Variants in GOLGA2 observed in about 807,000 individuals in gnomAD.
GOLGA2 encodes golgin subfamily A member 2.
GOLGA2 carries 49 observed loss-of-function variants against 148.8 expected under a neutral mutation model. That is an observed-to-expected ratio of 0.33 (90% CI 0.26 to 0.42). The LOEUF is 0.42. Ranked by LOEUF, GOLGA2 falls within the 10% of genes least tolerant of loss-of-function variation. The pLI is 1.00. For synonymous variants in GOLGA2, 501 were observed against 511.8 expected, an observed-to-expected ratio of 0.98 and a Z score of 0.28; for missense variants, 1,178 against 1,304.6, an observed-to-expected ratio of 0.90 and a Z score of 1.49.
intron 12 of GOLGA2, among the ~76,000 whole-genome samples, chr9:128,265,100 A>G (rs1029052181): frequency 6.6e-6 from 1 of 152,208 alleles, no homozygotes; most frequent in African/African-American, 2.4e-5. Context: ...CAGATAGTCC[A>G]AAACTCCGAA....
At chr9:128,259,429 C>T (rs1830118023) in intron 19 of GOLGA2, 38 bp from the exon 20 acceptor site, 1 of 1,343,380 alleles carries the variant, frequency 7.4e-7, no homozygotes, top group Non-Finnish European at 1.0e-6. Context: ...AGGTGGTGGC[C>T]TGCTTCCAGA....
In GOLGA2 at chr9:128,261,022, G is replaced by T; in HGVS notation, c.1420+150C>A. 1.4e-6 allele frequency: 1 copy of T among 709,342 alleles called. No homozygotes were observed. The highest frequency in any genetic ancestry group is 1.7e-5 in the South Asian group (1 of 60,176). The allele number at this position is 709,342 out of a possible 1,614,324, so 43.9% of individuals were successfully genotyped here. A position where few individuals can be genotyped will look rare whatever the true frequency, so the allele number is the denominator to read the frequency against. ...TGCTGATGGGGCACTGAGGCTCATGGAGATGACGAGACTTGCCATCTCCTG... is the reference window on the plus strand; with the variant it reads ...TGCTGATGGGGCACTGAGGCTCATGTAGATGACGAGACTTGCCATCTCCTG... On this transcript the variant is annotated intron_variant, in intron 17 of 26. Coordinates refer to ENST00000611957, the MANE Select transcript of GOLGA2 (RefSeq NM_001366244.2). This position sits in a 1 kb window ranked among gnomAD's most constrained non-coding sequence, Gnocchi z 5.7.
intron 3 of GOLGA2, among the ~76,000 whole-genome samples, chr9:128,270,525 G>A (rs1234402520): frequency 2.1e-4 from 32 of 152,082 alleles, no homozygotes; most frequent in Admixed American, 2.1e-3. Flanking sequence ...TTGTAGCCAA[G>A]ATGGAGTTTT....
At chr9:128,275,614 A>C in intron 1 of GOLGA2, 1 of 839,670 alleles carries the variant, frequency 1.2e-6, no homozygotes. Context: ...CAAAGAGCCC[A>C]GGGAGGTCGG....
At chr9:128,263,289 T>G (rs577790570) in intron 12 of GOLGA2, among the ~76,000 whole-genome samples, 197 bp from the exon 13 acceptor site, 3 of 152,320 alleles carry the variant, frequency 2.0e-5, no homozygotes, top group Admixed American at 2.0e-4. Context: ...AGTCTCCCTC[T>G]GTCACCCAGG....
chr9:128,262,648 A>G lies in GOLGA2; in HGVS notation c.1049T>C (p.Val350Ala). 6.2e-7 allele frequency: 1 copy of G among 1,613,716 alleles called. No individual in the cohort carries two copies. Among genetic ancestry groups the G allele is most frequent in the East Asian group, 2.2e-5 (1 of 44,886 alleles). ...EKSELEEKLR[V>A]LVTEKAGMQL... is the part of the protein sequence containing the mutation. ...CATGCCAGCCTTCTCAGTCACTAGG[A>G]CCCGAAGCTTCTCTTCCAATTCTGA... The change falls in exon 14 of 27, where the codon GTC becomes GCC. Residue 350 changes from valine to alanine, a missense_variant. Coordinates refer to ENST00000611957, the MANE Select transcript of GOLGA2 (RefSeq NM_001366244.2).
rs752788974 is a variant in GOLGA2, at chr9:128,257,872, C to T, written c.2529G>A (p.Met843Ile). 1 of 1,613,846 alleles carries T rather than the reference C, an allele frequency of 6.2e-7. No homozygotes were observed. The highest frequency in any genetic ancestry group is 1.1e-5 in the South Asian group (1 of 91,074). Residue 843 changes from methionine (M) to isoleucine (I), a missense_variant, in exon 24 of 27, where the codon ATG (methionine) becomes ATA (isoleucine). Around this residue, in one of 5 missense-constraint regions of GOLGA2, gnomAD observed 529 missense variants for 521.8 expected, o/e 1.01. Coordinates refer to ENST00000611957, the MANE Select transcript of GOLGA2 (RefSeq NM_001366244.2). The surrounding 1 kb of genome is among the most constrained non-coding windows in gnomAD (Gnocchi z 8.0). The part of the protein sequence containing the change: ...EKLQSRFMEL[M>I]QEKADLKERV... ...TCTCCTTCAGGTCTGCCTTCTCCTG[C>T]ATGAGCTCCATAAAGCGGCTCTGGA...
chr9:128,267,807 C>T, intron 6 of GOLGA2, 127 bp downstream of exon 6: 1 of 791,388 alleles, frequency 1.3e-6, no homozygotes, highest in Non-Finnish European at 2.1e-6. Flanking sequence ...GAAAAGGCGA[C>T]TTCCTTAACA....
Position 128,262,556 on chromosome 9 carries a change from CT to C in GOLGA2, c.1134+6del. The stretch of plus-strand genomic sequence containing the variant: ...CTCCCACCACCCATGGGGCTGCAGC[CT>C]CTTGCCTGTTGAAGCAGGAGTTCCG... On this transcript the variant is annotated splice_donor_region_variant and intron_variant, in intron 14 of 26. Coordinates refer to ENST00000611957, the MANE Select transcript of GOLGA2 (RefSeq NM_001366244.2). 4 of 1,613,466 alleles carry C rather than the reference CT, an allele frequency of 2.5e-6. No individual in the cohort carries two copies. Among genetic ancestry groups the C allele is most frequent in the African/African-American group, 1.3e-5 (1 of 75,046 alleles).
At chr9:128,274,323 C>T (rs1187275009) in intron 1 of GOLGA2, among the ~76,000 whole-genome samples, 1 of 152,094 alleles carries the variant, frequency 6.6e-6, no homozygotes, top group East Asian at 1.9e-4. Flanking sequence ...GCTGGTTTCA[C>T]GCACTAATTA....
At position 128,266,925 on chromosome 9, in the gene GOLGA2, C is replaced by T. The variant is rs1340900630; in HGVS notation, c.642+269G>A. 1.8e-5 allele frequency: 10 copies of T among 559,924 alleles called. No homozygotes were observed. The highest frequency in any genetic ancestry group is 2.9e-5 in the Non-Finnish European group (9 of 311,006). The allele number at this position is 559,924 out of a possible 1,614,324, so 34.7% of individuals were successfully genotyped here. ...CTCCTGACAACCAGTCAGGCTAGCG[C>T]TTCCCCAAGAGGCAACAACCCCAGG... On this transcript the variant is annotated intron_variant, in intron 8 of 26. Transcript: ENST00000611957. The surrounding 1 kb of genome is among the most constrained non-coding windows in gnomAD (Gnocchi z 4.2).
chr9:128,258,898 T>C lies in GOLGA2; in HGVS notation c.2173+109A>G, dbSNP rs12003970. On this transcript the variant is annotated intron_variant, in intron 21 of 26. Transcript: ENST00000611957. The surrounding 1 kb of genome is among the most constrained non-coding windows in gnomAD (Gnocchi z 6.6). ...ACTTAGTGTGGACACCCAGTTGGCA[T>C]AATGACCAGCTGTTCTAAAGGTCTC... is the stretch of plus-strand genomic sequence containing the variant. The C allele has an allele frequency of 9.4e-3, 7,677 of 815,026 alleles. 384 individuals are homozygous for C. In the African/African-American group the frequency reaches 0.11, roughly 12 times the overall value. 50.5% of individuals were successfully genotyped at this position (815,026 alleles called of 1,614,324 possible). A position where few individuals can be genotyped will look rare whatever the true frequency, so the allele number is the denominator to read the frequency against.
In GOLGA2 at chr9:128,263,022, C is replaced by T; in HGVS notation, c.992+12G>A. 6.4e-7 allele frequency: 1 copy of T among 1,574,404 alleles called. No individual in the cohort carries two copies. Among genetic ancestry groups the T allele is most frequent in the Non-Finnish European group, 8.7e-7 (1 of 1,144,112 alleles). The stretch of plus-strand genomic sequence containing the variant: ...GCCCCCAGACCTCCCATCCCACCAT[C>T]CCCCATCCTACGTGTTCTTGTATAA... On this transcript the variant is annotated intron_variant, in intron 13 of 26. Transcript: ENST00000611957.
rs1322514781 is a variant in GOLGA2 at position 128,257,514 on chromosome 9, C to T, written c.2730G>A (p.Leu910=). ...QDKEEMKVKL[L]ELQELVLRLV... ...GCCGTAAGACCAGCTCCTGCAGCTC[C>T]AGCAGCTTCACCTGGAGGGAGGGGT... Residue 910 remains leucine, a synonymous_variant, in exon 26 of 27, where the codon CTG becomes CTA. Coordinates refer to ENST00000611957, the MANE Select transcript of GOLGA2 (RefSeq NM_001366244.2). This position sits in a 1 kb window ranked among gnomAD's most constrained non-coding sequence, Gnocchi z 8.0. 2 of 1,613,946 alleles carry T rather than the reference C, an allele frequency of 1.2e-6. No individual in the cohort carries two copies. The highest frequency in any genetic ancestry group is 1.7e-6 in the Non-Finnish European group (2 of 1,180,032).
chr9:128,270,654 G>A (rs1830883827), intron 3 of GOLGA2, among the ~76,000 whole-genome samples: 1 of 151,990 alleles, frequency 6.6e-6, no homozygotes, highest in Non-Finnish European at 1.5e-5. Context: ...TCACAGGCCT[G>A]CATTCCTGGA....
Position 128,257,963 on chromosome 9 carries a change from A to G in GOLGA2, c.2508+17T>C, listed in dbSNP as rs759318134. On this transcript the variant is annotated intron_variant, in intron 23 of 26. Coordinates refer to ENST00000611957, the MANE Select transcript of GOLGA2 (RefSeq NM_001366244.2). This position sits in a 1 kb window ranked among gnomAD's most constrained non-coding sequence, Gnocchi z 8.0. Reference sequence around the variant, plus strand: ...GCCCCCACCCTTCTTGACCCATGCCAGGAGAGACTCATTCACCTGCAGCTT... The same window carrying G: ...GCCCCCACCCTTCTTGACCCATGCCGGGAGAGACTCATTCACCTGCAGCTT... The G allele has an allele frequency of 6.3e-7, 1 of 1,576,104 alleles. No homozygotes were observed. The highest frequency in any genetic ancestry group is 8.7e-7 in the Non-Finnish European group (1 of 1,155,860).
intron 14 of GOLGA2, among the ~76,000 whole-genome samples, 164 bp downstream of exon 14, chr9:128,262,399 A>G (rs773896230): frequency 3.9e-5 from 6 of 152,180 alleles, no homozygotes; most frequent in African/African-American, 9.7e-5. Context: ...CAGGTCCCCA[A>G]TTTGTAGATT....
chr9:128,258,062 G>A lies in GOLGA2; in HGVS notation c.2426C>T (p.Ala809Val), dbSNP rs776281799. ...LASAQKEPEA[A>V]APAPGTGGDS... Reference sequence around the variant, plus strand: ...ACCCCCGGTCCCTGGGGCTGGGGCTGCTGCCTCAGGCTCCTTCTGGGCCGA... The same window carrying A: ...ACCCCCGGTCCCTGGGGCTGGGGCTACTGCCTCAGGCTCCTTCTGGGCCGA... Residue 809 changes from alanine to valine, a missense_variant, in exon 23 of 27, where the codon GCA becomes GTA. Ala to Val is a moderately conservative substitution (Grantham distance 64). Around this residue, in one of 5 missense-constraint regions of GOLGA2, gnomAD observed 529 missense variants for 521.8 expected, o/e 1.01. Transcript: ENST00000611957. The surrounding 1 kb of genome is among the most constrained non-coding windows in gnomAD (Gnocchi z 6.6). 3 of 1,611,164 alleles carry A rather than the reference G, an allele frequency of 1.9e-6. No individual in the cohort carries two copies. The highest frequency in any genetic ancestry group is 2.2e-5 in the South Asian group (2 of 91,020).
chr9:128,266,430 A>T lies in GOLGA2; in HGVS notation c.643-105T>A. The T allele has an allele frequency of 1.0e-6, 1 of 963,942 alleles. No individual in the cohort carries two copies. The highest frequency in any genetic ancestry group is 1.7e-6 in the Non-Finnish European group (1 of 605,954). The allele number at this position is 963,942 out of a possible 1,614,324, so 59.7% of individuals were successfully genotyped here. On this transcript the variant is annotated intron_variant, in intron 8 of 26. Transcript: ENST00000611957. The surrounding 1 kb of genome is among the most constrained non-coding windows in gnomAD (Gnocchi z 4.2). ...GGCCAGGAATGGATTTTAAAGGCAA[A>T]GTTCTCAGACCCAATGGGAACACGA...
Sources: allele counts gnomAD v4.1 joint callset (sites outside exome capture counted in the v4.1 genomes callset), GRCh38; gene constraint gnomAD v4.1.1; regional missense constraint gnomAD v4.1.1; non-coding constraint Gnocchi (gnomAD v3.1); transcripts MANE v1.5; gene names NCBI Gene and HGNC (gene_info 2026-07-23, HGNC 2026-07-21).